The following BCR variants were observed in gnomAD, a reference collection of about 807,000 sequenced individuals.
The protein encoded by BCR is BCR activator of RhoGEF and GTPase, also known as breakpoint cluster region protein.
BCR carries 58 observed loss-of-function variants against 138.6 expected under a neutral mutation model. That is an observed-to-expected ratio of 0.42 (90% CI 0.34 to 0.52). BCR has a LOEUF of 0.52. Among genes scored for constraint, BCR ranks in the 20% least tolerant of loss-of-function variants. BCR has a pLI of 0.06. For synonymous variants in BCR, 786 were observed against 730.1 expected (o/e 1.08, Z -1.23); for missense variants, 1,599 against 1,727.2 (o/e 0.93, Z 1.32).
chr22:23,304,099 A>ATTTTTTTTTTTTTTTTTTTTTTTTTTTTT (rs56805241), intron 16 of BCR, among the ~76,000 whole-genome samples: 1 of 102,210 alleles, frequency 9.8e-6, no homozygotes. Flanking sequence ...ATGCCAGGCT[A>ATTTTTTTTTTTTTTTTTTTTTTTTTTTTT]TTTTTTTTTT....
At chr22:23,291,840 G>T (rs578085168) in intron 14 of BCR, among the ~76,000 whole-genome samples, 5 of 152,200 alleles carry the variant, frequency 3.3e-5, no homozygotes, top group Non-Finnish European at 7.3e-5. Flanking sequence ...ATCTCTGGCT[G>T]CCTGGCCAGG....
In BCR at chr22:23,268,473, G is replaced by C; in HGVS notation, c.1818G>C (p.Glu606Asp). The C allele has an allele frequency of 6.2e-7, 1 of 1,614,038 alleles. No homozygotes were observed. The highest frequency in any genetic ancestry group is 8.5e-7 in the Non-Finnish European group (1 of 1,179,936). The change falls in exon 5 of 23, where the codon GAG becomes GAC. Residue 606 changes from glutamate (E) to aspartate (D), a missense_variant. Transcript: ENST00000305877. ...DNYGVAMEMA[E>D]KCCQANAQFA... ...ACGGAGTTGCCATGGAAATGGCTGA[G>C]AAGTGCTGTCAGGCCAATGCTCAGT...
intron 18 of BCR, among the ~76,000 whole-genome samples, chr22:23,310,775 T>G (rs954343686): frequency 1.3e-5 from 2 of 152,196 alleles, no homozygotes; most frequent in Non-Finnish European, 2.9e-5. Context: ...GAAGCCTGTT[T>G]GGTTTGAGAG....
intron 15 of BCR, among the ~76,000 whole-genome samples, chr22:23,294,732 G>A (rs967792891): frequency 7.2e-5 from 11 of 152,218 alleles, no homozygotes; most frequent in African/African-American, 2.7e-4. Context: ...CCTGGCGATT[G>A]TGAGGCAGGT....
intron 4 of BCR, chr22:23,262,668 G>C: frequency 1.6e-6 from 1 of 616,794 alleles, no homozygotes; most frequent in Non-Finnish European, 2.0e-6. Flanking sequence ...AGCCAGGGCC[G>C]CTGGGTGTGG....
intron 1 of BCR, among the ~76,000 whole-genome samples, chr22:23,204,092 G>C (rs1403301527): frequency 6.6e-6 from 1 of 152,162 alleles, no homozygotes; most frequent in Admixed American, 6.5e-5. Context: ...GCTTGGGGAG[G>C]AAAGGAGAGG....
At position 23,180,580 on chromosome 22, in the gene BCR, G is replaced by A. The variant is rs1002564967; in HGVS notation, c.-381G>A. The A allele has an allele frequency of 0.041, 1,656 of 40,272 alleles. 21 individuals are homozygous for A. The highest frequency in any genetic ancestry group is 0.2 in the African/African-American group (227 of 1,160). 2.5% of individuals were successfully genotyped at this position (40,272 alleles called of 1,614,324 possible). On this transcript the variant is annotated 5_prime_UTR_variant, in exon 1 of 23. Coordinates refer to ENST00000305877, the MANE Select transcript of BCR (RefSeq NM_004327.4). The stretch of plus-strand genomic sequence containing the variant: ...GCTTAGCGTCCGAGGAGGCGGCGGC[G>A]GCGGCGGCGGCACGGCGGCGGCGGG...
chr22:23,245,736 C>G (rs9612265), intron 1 of BCR, among the ~76,000 whole-genome samples: 2 of 151,884 alleles, frequency 1.3e-5, no homozygotes, highest in South Asian at 2.1e-4. Flanking sequence ...GAAGGATACT[C>G]TCAGCCCTCG....
chr22:23,288,007 G>A (rs1000034492), intron 11 of BCR, 90 bp from the exon 12 acceptor site: 212 of 1,253,576 alleles, frequency 1.7e-4, no homozygotes, highest in Non-Finnish European at 2.4e-4. Flanking sequence ...CTGGAGATAC[G>A]AGTTGTGTGC....
chr22:23,308,749 G>A (rs2073975320), intron 16 of BCR, among the ~76,000 whole-genome samples: 1 of 152,192 alleles, frequency 6.6e-6, no homozygotes, highest in African/African-American at 2.4e-5. Context: ...ATGTGGCTTG[G>A]TCATGACAGG....
intron 1 of BCR, among the ~76,000 whole-genome samples, 180 bp from the exon 2 acceptor site, chr22:23,253,619 T>TC (rs1480281761): frequency 1.3e-5 from 2 of 152,010 alleles, no homozygotes; most frequent in East Asian, 3.9e-4. Context: ...CTCATGTTCA[T>TC]CCCCCCTCAC....
intron 8 of BCR, among the ~76,000 whole-genome samples, chr22:23,281,664 G>C (rs1214141475): frequency 1.3e-5 from 2 of 151,832 alleles, no homozygotes; most frequent in Non-Finnish European, 2.9e-5. Context: ...TCTCAGATGA[G>C]AGTTGCACAG....
chr22:23,215,921 C>T (rs1210964145), intron 1 of BCR, among the ~76,000 whole-genome samples: 2 of 152,184 alleles, frequency 1.3e-5, no homozygotes, highest in African/African-American at 4.8e-5. Flanking sequence ...TTTCCCCTTT[C>T]CTGTAAACAT....
rs551831997 is a variant in BCR, at chr22:23,267,688, T to C, written c.1753-720T>C. Among the ~76,000 whole-genome samples the C allele has an allele frequency of 2.1e-3, 322 of 152,306 alleles. 1 individual carries two copies. Among genetic ancestry groups the C allele is most frequent in the African/African-American group, 7.3e-3 (303 of 41,556 alleles). On this transcript the variant is annotated intron_variant, in intron 4 of 22. Coordinates refer to ENST00000305877, the MANE Select transcript of BCR (RefSeq NM_004327.4). ...TTTCCCTCGCTGCCCATAAAGGTGTTGTGGGGCCCAGAGATGGCAGTGTCT... is the reference window on the plus strand; with the variant it reads ...TTTCCCTCGCTGCCCATAAAGGTGTCGTGGGGCCCAGAGATGGCAGTGTCT...
At position 23,181,471 on chromosome 22, in the gene BCR, G is replaced by C. The variant is rs1446314038; in HGVS notation, c.511G>C (p.Asp171His). ...CAAGGGCCATGGCCAGCCCGGGGCG[G>C]ACGCCGAGAAGCCCTTCTACGTGAA... is the stretch of plus-strand genomic sequence containing the variant. ...IRKGHGQPGA[D>H]AEKPFYVNVE... The change falls in exon 1 of 23, where the codon GAC (aspartate) becomes CAC (histidine). Residue 171 changes from aspartate to histidine, a missense_variant. Physicochemically the swap from Asp to His is moderately conservative, Grantham distance 81. Coordinates refer to ENST00000305877, the MANE Select transcript of BCR (RefSeq NM_004327.4). 2 of 1,609,314 alleles carry C rather than the reference G, an allele frequency of 1.2e-6. No individual in the cohort carries two copies. Among genetic ancestry groups the C allele is most frequent in the East Asian group, 4.5e-5 (2 of 44,724 alleles).
At chr22:23,219,707 T>C (rs531667985) in intron 1 of BCR, among the ~76,000 whole-genome samples, 1 of 152,270 alleles carries the variant, frequency 6.6e-6, no homozygotes, top group East Asian at 1.9e-4. Context: ...CTCTGTGTGC[T>C]TCCTGCACCC....
At chr22:23,313,466 G>A (rs2074030618) in intron 20 of BCR, among the ~76,000 whole-genome samples, 2 of 152,226 alleles carry the variant, frequency 1.3e-5, no homozygotes, top group African/African-American at 2.4e-5. Flanking sequence ...ATCACCCTTA[G>A]GGCAGGTCTG....
chr22:23,186,068 C>T (rs926647120), intron 1 of BCR, among the ~76,000 whole-genome samples: 6 of 152,134 alleles, frequency 3.9e-5, no homozygotes, highest in Non-Finnish European at 8.8e-5. Flanking sequence ...TTACAAGTTA[C>T]CGGAAGAGAG....
chr22:23,285,807 A>C (rs1444629689), intron 10 of BCR, among the ~76,000 whole-genome samples: 1 of 152,226 alleles, frequency 6.6e-6, no homozygotes, highest in East Asian at 1.9e-4. Flanking sequence ...CAAGGCAGAA[A>C]TGAAGAGTTA....
Sources: gnomAD v4.1 joint callset for allele counts (sites outside exome capture counted in the v4.1 genomes callset) on GRCh38, gnomAD v4.1.1 for gene constraint, MANE v1.5 for transcripts, NCBI Gene and HGNC (gene_info 2026-07-23, HGNC 2026-07-21) for gene names.